CLPSL1: variants seen among roughly 807,000 people sequenced by gnomAD.
The protein encoded by CLPSL1 is colipase like 1.
In CLPSL1, 13 loss-of-function variants were observed where a neutral mutation model predicts 9.3. The observed-to-expected ratio is 1.40, with a 90% CI of 0.91 to 2.22. The LOEUF is 2.22. Ranked by LOEUF, CLPSL1 falls within the 30% of genes most tolerant of loss-of-function variation. CLPSL1 has a pLI of 0.00. For synonymous variants in CLPSL1, 58 were observed against 56.9 expected (o/e 1.02, Z -0.08); for missense variants, 164 against 146.6 (o/e 1.12, Z -0.61).
At chr6:35,789,660 G>A (rs1007181133), downstream of CLPSL1, among the ~76,000 whole-genome samples, 4 of 152,242 alleles carry the variant, frequency 2.6e-5, no homozygotes, top group South Asian at 2.1e-4. Context: ...GTGGGAGGCC[G>A]AGTTGGGTGG....
chr6:35,784,096 ATT>A (rs1178536216), intron 1 of CLPSL1, among the ~76,000 whole-genome samples: 1 of 151,856 alleles, frequency 6.6e-6, no homozygotes, highest in Non-Finnish European at 1.5e-5. Flanking sequence ...TTTTATACAC[ATT>A]GGGGAGACAT....
At chr6:35,781,989 C>T (rs1169487802) in intron 1 of CLPSL1, among the ~76,000 whole-genome samples, 3 of 152,050 alleles carry the variant, frequency 2.0e-5, no homozygotes, top group Non-Finnish European at 4.4e-5. Context: ...TGACCTCAAG[C>T]AATCCACCCG....
chr6:35,783,374 G>C (rs973728885), intron 1 of CLPSL1, among the ~76,000 whole-genome samples: 6 of 152,156 alleles, frequency 3.9e-5, no homozygotes, highest in Non-Finnish European at 8.8e-5. Flanking sequence ...GCTGGGTGTG[G>C]TGGCACATGC....
chr6:35,788,419 A>C (rs1581955355), downstream of CLPSL1, among the ~76,000 whole-genome samples: 1 of 152,272 alleles, frequency 6.6e-6, no homozygotes, highest in Non-Finnish European at 1.5e-5. Flanking sequence ...CACGACCTTA[A>C]ATTTCAGAAA....
At chr6:35,788,708 A>G (rs554215371), downstream of CLPSL1, among the ~76,000 whole-genome samples, 35 of 152,354 alleles carry the variant, frequency 2.3e-4, no homozygotes, top group African/African-American at 8.4e-4. Context: ...GGAAGGAAGG[A>G]AGGAGAGCCT....
At position 35,787,952 on chromosome 6, in the gene CLPSL1, C is replaced by T; in HGVS notation, c.308C>T (p.Ala103Val). Residue 103 changes from alanine (A) to valine (V), a missense_variant, in exon 3 of 3, where the codon GCC (alanine) becomes GTC (valine). Ala to Val is a moderately conservative substitution (Grantham distance 64, BLOSUM62 0). Coordinates refer to ENST00000373861, the MANE Select transcript of CLPSL1 (RefSeq NM_001010886.5). Reference sequence around the variant, plus strand: ...AAGAATGAGAAATGGCTTAGCATCGCCTATGGCCGTTGTCAGAAAATTGGA... The same window carrying T: ...AAGAATGAGAAATGGCTTAGCATCGTCTATGGCCGTTGTCAGAAAATTGGA... ...YSKNEKWLSI[A>V]YGRCQKIGRQ... 2 of 1,613,416 alleles carry T rather than the reference C, an allele frequency of 1.2e-6. No individual in the cohort carries two copies. The highest frequency in any genetic ancestry group is 1.7e-6 in the Non-Finnish European group (2 of 1,179,314).
chr6:35,786,965 T>G lies in CLPSL1; in HGVS notation c.100-33T>G, dbSNP rs12110961. 416 of 1,555,062 alleles carry G rather than the reference T, an allele frequency of 2.7e-4. No homozygotes were observed. The African/African-American group carries it at 5.3e-3, about 20-fold the overall frequency. ...GGCGGCGAGGGCGGAAGGCGGGCGG[T>G]GGAGCCTGGCGGTGCCGTGTCCCTC... On this transcript the variant is annotated intron_variant, in intron 1 of 2. Coordinates refer to ENST00000373861, the MANE Select transcript of CLPSL1 (RefSeq NM_001010886.5).
At chr6:35,790,001 A>C (rs143717667), downstream of CLPSL1, among the ~76,000 whole-genome samples, 504 of 152,198 alleles carry the variant, frequency 3.3e-3, no homozygotes, top group African/African-American at 9.4e-3. Context: ...ATCTCAGCTC[A>C]CTGCAGCCTC....
chr6:35,781,529 C>A (rs1767967259), intron 1 of CLPSL1, among the ~76,000 whole-genome samples: 1 of 152,038 alleles, frequency 6.6e-6, no homozygotes, highest in Admixed American at 6.6e-5. Context: ...AATTATTTTT[C>A]TACATTTAGT....
intron 2 of CLPSL1, among the ~76,000 whole-genome samples, chr6:35,787,627 G>A (rs1414982011): frequency 6.6e-6 from 1 of 152,278 alleles, no homozygotes; most frequent in Admixed American, 6.5e-5. Context: ...CTTAGGACAG[G>A]CAGATGGGTC....
rs780047579 is a variant in CLPSL1, at chr6:35,787,996, A to G, written c.352A>G (p.Lys118Glu). 1.4e-5 allele frequency: 22 copies of G among 1,612,410 alleles called. No homozygotes were observed. Among genetic ancestry groups the G allele is most frequent in the Non-Finnish European group, 1.8e-5 (21 of 1,178,618 alleles). ...AATTGGAAGGCAGAAGTTGGCTAAGAAAATGTTCTTCTAGTGCTCCCTCCT... is the reference window on the plus strand; with the variant it reads ...AATTGGAAGGCAGAAGTTGGCTAAGGAAATGTTCTTCTAGTGCTCCCTCCT... The part of the protein sequence containing the change: ...QKIGRQKLAK[K>E]MFF Residue 118 changes from lysine (K) to glutamate (E), a missense_variant, in exon 3 of 3, where the codon AAA becomes GAA. Transcript: ENST00000373861.
At position 35,788,004 on chromosome 6, in the gene CLPSL1, C is replaced by T. The variant is rs748990784; in HGVS notation, c.360C>T (p.Phe120=). The change falls in exon 3 of 3, where the codon TTC becomes TTT. Residue 120 remains phenylalanine (F), a synonymous_variant. Transcript: ENST00000373861. The stretch of plus-strand genomic sequence containing the variant: ...GGCAGAAGTTGGCTAAGAAAATGTT[C>T]TTCTAGTGCTCCCTCCTTCTTGCTG... ...IGRQKLAKKM[F]F 1.1e-5 allele frequency: 18 copies of T among 1,610,678 alleles called. No individual in the cohort carries two copies. Among genetic ancestry groups the T allele is most frequent in the Non-Finnish European group, 1.5e-5 (18 of 1,177,048 alleles).
chr6:35,781,259 C>G (rs889121621), intron 1 of CLPSL1, 50 bp downstream of exon 1: 1 of 1,598,342 alleles, frequency 6.3e-7, no homozygotes, highest in Non-Finnish European at 8.5e-7. Flanking sequence ...GTCCTAAGGC[C>G]TGTACTATTT....
chr6:35,785,946 C>CAA (rs35079833), intron 1 of CLPSL1, among the ~76,000 whole-genome samples: 3,881 of 110,464 alleles, frequency 0.035, 180 homozygotes, highest in African/African-American at 0.11. Flanking sequence ...GAGACTTTGT[C>CAA]AAAAAAAAAA....
rs1768111673 is a variant in CLPSL1 at position 35,787,785 on chromosome 6, C to T, written c.223-82C>T. Reference sequence around the variant, plus strand: ...TCCTGGCTGTGGGCAAGCACATGGGCCCTGGAGCTGGGCTGGGCTGGGCTT... The same window carrying T: ...TCCTGGCTGTGGGCAAGCACATGGGTCCTGGAGCTGGGCTGGGCTGGGCTT... On this transcript the variant is annotated intron_variant, in intron 2 of 2. Transcript: ENST00000373861. The T allele has an allele frequency of 6.7e-6, 9 of 1,351,350 alleles. No individual in the cohort carries two copies. In the East Asian group the frequency reaches 1.4e-4, roughly 21 times the overall value. The allele number at this position is 1,351,350 out of a possible 1,614,324, so 83.7% of individuals were successfully genotyped here.
chr6:35,785,764 C>CT (rs1449207639), intron 1 of CLPSL1, among the ~76,000 whole-genome samples: 2 of 151,938 alleles, frequency 1.3e-5, no homozygotes, highest in African/African-American at 4.8e-5. Context: ...TCATGCCTGT[C>CT]TAACTACCTG....
At chr6:35,790,924 G>T (rs1475839554), downstream of CLPSL1, among the ~76,000 whole-genome samples, 2 of 152,106 alleles carry the variant, frequency 1.3e-5, no homozygotes, top group African/African-American at 2.4e-5. Flanking sequence ...CGCACGTGTA[G>T]TCCTAGCTAC....
At chr6:35,782,858 G>C (rs1001926909) in intron 1 of CLPSL1, among the ~76,000 whole-genome samples, 4 of 152,200 alleles carry the variant, frequency 2.6e-5, no homozygotes, top group African/African-American at 9.7e-5. Context: ...GAGGCCGGGA[G>C]GCGGCTATAG....
chr6:35,785,282 A>G (rs1768046787), intron 1 of CLPSL1, among the ~76,000 whole-genome samples: 2 of 146,288 alleles, frequency 1.4e-5, no homozygotes, highest in Admixed American at 7.1e-5. Flanking sequence ...GGTTCACGCC[A>G]TTCTCCTGCC....
Sources: gnomAD v4.1 joint callset for allele counts (sites outside exome capture counted in the v4.1 genomes callset) on GRCh38, gnomAD v4.1.1 for gene constraint, MANE v1.5 for transcripts, NCBI Gene and HGNC (gene_info 2026-07-23, HGNC 2026-07-21) for gene names.